ST3GAL2: variants seen among roughly 807,000 people sequenced by gnomAD.
ST3GAL2 encodes the protein ST3 beta-galactoside alpha-2,3-sialyltransferase 2.
Under a neutral mutation model 37.5 loss-of-function variants are expected in ST3GAL2, and 16 were observed. The ratio of observed to expected loss-of-function variants is 0.43; its 90% confidence interval spans 0.29 to 0.65. The LOEUF (loss-of-function observed/expected upper bound fraction) is 0.65. Among genes scored for constraint, ST3GAL2 ranks in the 30% least tolerant of loss-of-function variants. The pLI, the probability that ST3GAL2 is intolerant of heterozygous loss-of-function variation, is 0.17. For missense variants in ST3GAL2, 383 were observed against 487.8 expected (o/e 0.79, Z 2.02); for synonymous variants, 238 against 202.9 (o/e 1.17, Z -1.47).
At chr16:70,430,432 C>G (rs1489095322) in intron 1 of ST3GAL2, among the ~76,000 whole-genome samples, 3 of 152,252 alleles carry the variant, frequency 2.0e-5, no homozygotes, top group Non-Finnish European at 4.4e-5. Flanking sequence ...ACAGCCACCA[C>G]TGTGATCTTG....
chr16:70,386,090 G>C (rs867825392), intron 4 of ST3GAL2, among the ~76,000 whole-genome samples: 1 of 151,794 alleles, frequency 6.6e-6, no homozygotes, highest in African/African-American at 2.4e-5. Context: ...GCACAATCTC[G>C]TCTCACTGTA....
chr16:70,387,480 G>A (rs567429074), intron 4 of ST3GAL2, among the ~76,000 whole-genome samples: 2 of 152,042 alleles, frequency 1.3e-5, no homozygotes, highest in African/African-American at 2.4e-5. Flanking sequence ...TCTTAAACTC[G>A]GGAGGTAGAG....
intron 1 of ST3GAL2, chr16:70,401,049 A>C (rs530623608): frequency 6.6e-6 from 1 of 152,374 alleles, no homozygotes; most frequent in East Asian, 1.9e-4. Context: ...ACATCTAAGG[A>C]CAGAACTCGA....
intron 1 of ST3GAL2, among the ~76,000 whole-genome samples, chr16:70,409,527 G>C (rs554445669): frequency 6.6e-6 from 1 of 151,888 alleles, no homozygotes; most frequent in Admixed American, 6.6e-5. Flanking sequence ...ATTTTTAGTC[G>C]AGATGGGGTT....
intron 1 of ST3GAL2, among the ~76,000 whole-genome samples, chr16:70,429,587 TC>T (rs2047774602): frequency 3.1e-5 from 2 of 64,604 alleles, no homozygotes; most frequent in Non-Finnish European, 2.4e-5. Context: ...AGACTCTGTC[TC>T]AAAAAAAAAA....
At position 70,388,458 on chromosome 16, in the gene ST3GAL2, G is replaced by C; in HGVS notation, c.622C>G (p.Leu208Val). 3 of 1,614,170 alleles carry C rather than the reference G, an allele frequency of 1.9e-6. No homozygotes were observed. Among genetic ancestry groups the C allele is most frequent in the Non-Finnish European group, 2.5e-6 (3 of 1,180,024 alleles). ...AGCACGAAGCTGACGTTGGCGGGCAGGTTCTTGGCACTCTCAGGGTACATG... is the reference window on the plus strand; with the variant it reads ...AGCACGAAGCTGACGTTGGCGGGCACGTTCTTGGCACTCTCAGGGTACATG... The part of the protein sequence containing the change: ...HFMYPESAKN[L>V]PANVSFVLVP... The change falls in exon 4 of 7, where the codon CTG becomes GTG. Residue 208 changes from leucine (L) to valine (V), a missense_variant. Coordinates refer to ENST00000342907, the MANE Select transcript of ST3GAL2 (RefSeq NM_006927.4).
chr16:70,431,898 A>G (rs1404861478), intron 1 of ST3GAL2, among the ~76,000 whole-genome samples: 1 of 151,964 alleles, frequency 6.6e-6, no homozygotes, highest in Non-Finnish European at 1.5e-5. Context: ...CAGGAGGCAG[A>G]GCTTGCAGTG....
intron 3 of ST3GAL2, among the ~76,000 whole-genome samples, chr16:70,393,412 G>A (rs889086718): frequency 6.6e-6 from 1 of 152,154 alleles, no homozygotes; most frequent in Admixed American, 6.6e-5. Flanking sequence ...CCACCTGACA[G>A]TACCGGCCAG....
chr16:70,406,974 G>A (rs986521901), intron 1 of ST3GAL2, among the ~76,000 whole-genome samples: 2 of 152,160 alleles, frequency 1.3e-5, no homozygotes, highest in South Asian at 2.1e-4. Flanking sequence ...CGTCCTGGAG[G>A]GGGGCTACCT....
chr16:70,398,224 C>G lies in ST3GAL2; in HGVS notation c.307G>C (p.Asp103His). The G allele has an allele frequency of 6.2e-7, 1 of 1,613,440 alleles. No homozygotes were observed. The highest frequency in any genetic ancestry group is 1.1e-5 in the South Asian group (1 of 91,084). ...CACCTCTGGACGTCCGGTGGAAGAT[C>G]CATGTTCTCTCGGGTCCAGACGGGG... ...ISPVWTRENM[D>H]LPPDVQRWWM... The change falls in exon 2 of 7, where the codon GAT becomes CAT. Residue 103 changes from aspartate to histidine, a missense_variant. Transcript: ENST00000342907.
chr16:70,377,440 A>C lies in ST3GAL2; in HGVS notation c.*4249T>G, dbSNP rs1179535140. ...GCTTGCAGTGAGCGGACATAGCACC[A>C]CTGCATTCCAGCCTGGGCAATGGAG... is the stretch of plus-strand genomic sequence containing the variant. On this transcript the variant is annotated 3_prime_UTR_variant, in exon 7 of 7. Coordinates refer to ENST00000342907, the MANE Select transcript of ST3GAL2 (RefSeq NM_006927.4). The C allele has an allele frequency of 6.7e-6, 1 of 149,752 alleles. No homozygotes were observed. The highest frequency in any genetic ancestry group is 2.5e-5 in the African/African-American group (1 of 40,210). The allele number at this position is 149,752 out of a possible 1,614,324, so 9.3% of individuals were successfully genotyped here. A position where few individuals can be genotyped will look rare whatever the true frequency, so the allele number is the denominator to read the frequency against.
chr16:70,386,885 C>G (rs963600932), intron 4 of ST3GAL2, among the ~76,000 whole-genome samples: 3 of 150,990 alleles, frequency 2.0e-5, no homozygotes, highest in Non-Finnish European at 2.9e-5. Context: ...ACCTTGTGAT[C>G]CACCCGCCTT....
intron 1 of ST3GAL2, among the ~76,000 whole-genome samples, chr16:70,429,029 C>T (rs2047770193): frequency 6.6e-6 from 1 of 152,210 alleles, no homozygotes; most frequent in South Asian, 2.1e-4. Flanking sequence ...TGCCTGAATC[C>T]AGGACAGAGC....
chr16:70,431,985 A>ATATATATATATTTTT (rs1454729972), intron 1 of ST3GAL2, among the ~76,000 whole-genome samples: 159 of 139,038 alleles, frequency 1.1e-3, no homozygotes, highest in African/African-American at 4.8e-3. Context: ...ATATATATAT[A>ATATATATATATTTTT]TTTTTTTTTA....
chr16:70,420,299 T>A (rs1326865972), intron 1 of ST3GAL2, among the ~76,000 whole-genome samples: 1 of 151,980 alleles, frequency 6.6e-6, no homozygotes, highest in Non-Finnish European at 1.5e-5. Context: ...AAGAGGTAGG[T>A]CATATTACAA....
At position 70,381,745 on chromosome 16, in the gene ST3GAL2, G is replaced by C; in HGVS notation, c.997C>G (p.His333Asp). The C allele has an allele frequency of 6.2e-7, 1 of 1,614,098 alleles. No individual in the cohort carries two copies. The highest frequency in any genetic ancestry group is 8.5e-7 in the Non-Finnish European group (1 of 1,179,966). Residue 333 changes from histidine to aspartate, a missense_variant, in exon 7 of 7, where the codon CAC becomes GAC. This residue lies in a region of ST3GAL2 where 160 missense variants were observed against 248.6 expected (regional missense o/e 0.64). Coordinates refer to ENST00000342907, the MANE Select transcript of ST3GAL2 (RefSeq NM_006927.4). ...TGVHDADFEA[H>D]IIDMLAKASK... ...GCCTTGGCCAGCATGTCGATGATGT[G>C]GGCCTCGAAGTCCGCGTCGTGCACG... is the stretch of plus-strand genomic sequence containing the variant.
chr16:70,408,948 G>A (rs994392249), intron 1 of ST3GAL2, among the ~76,000 whole-genome samples: 5 of 122,696 alleles, frequency 4.1e-5, no homozygotes, highest in East Asian at 2.1e-4. Context: ...ATAAAGAAAC[G>A]GCCTCTAAGA....
At chr16:70,389,372 C>G (rs1018338344) in intron 3 of ST3GAL2, among the ~76,000 whole-genome samples, 1 of 151,556 alleles carries the variant, frequency 6.6e-6, no homozygotes, top group South Asian at 2.1e-4. Context: ...GGTGCTATCT[C>G]GGCTCACTGC....
At chr16:70,421,073 C>A (rs2047711381) in intron 1 of ST3GAL2, among the ~76,000 whole-genome samples, 1 of 152,226 alleles carries the variant, frequency 6.6e-6, no homozygotes. Flanking sequence ...CGCTGTCCTG[C>A]ACCCTGCTTT....
Sources: gnomAD v4.1 joint callset for allele counts (sites outside exome capture counted in the v4.1 genomes callset) on GRCh38, gnomAD v4.1.1 for gene constraint, gnomAD v4.1.1 regional missense constraint, MANE v1.5 for transcripts, NCBI Gene and HGNC (gene_info 2026-07-23, HGNC 2026-07-21) for gene names.